Variants in IDE observed in about 807,000 individuals in gnomAD.
The protein encoded by IDE is insulin degrading enzyme, also known as insulin-degrading enzyme.
A neutral mutation model predicts 133.2 loss-of-function variants in IDE; 58 were observed. The observed-to-expected ratio is 0.44, with a 90% CI of 0.35 to 0.54. IDE has a LOEUF of 0.54. Among genes scored for constraint, IDE ranks in the 20% least tolerant of loss-of-function variants. The pLI is 0.00. For synonymous variants in IDE, 396 were observed against 421.3 expected (o/e 0.94, Z 0.73); for missense variants, 981 against 1,234.0 (o/e 0.79, Z 3.07).
chr10:92,547,400 A>G (rs77014180), intron 1 of IDE, among the ~76,000 whole-genome samples: 6,237 of 152,130 alleles, frequency 0.041, 172 homozygotes, highest in Non-Finnish European at 0.063. Context: ...CTAAAGATCA[A>G]TTCAAATCAC....
chr10:92,510,835 CAT>C (rs748779079), intron 5 of IDE, among the ~76,000 whole-genome samples: 62 of 149,300 alleles, frequency 4.2e-4, no homozygotes, highest in Non-Finnish European at 8.0e-4. Flanking sequence ...ATAGCACATA[CAT>C]ATCACACATA....
At chr10:92,477,368 C>G (rs905504668) in intron 15 of IDE, among the ~76,000 whole-genome samples, 1 of 151,572 alleles carries the variant, frequency 6.6e-6, no homozygotes, top group Middle Eastern at 3.5e-3. Context: ...GCCCAGGAGG[C>G]TGGTCTCGAA....
At chr10:92,475,825 C>T (rs751552247) in intron 16 of IDE, 59 bp downstream of exon 16, 65 of 656,890 alleles carry the variant, frequency 9.9e-5, no homozygotes, top group Non-Finnish European at 1.5e-4. Context: ...ATTATGAAAA[C>T]TTTTTATAAT....
rs554481643 is a variant in IDE, at chr10:92,573,990, G to A, written c.30C>T (p.His10=). 6.5e-4 allele frequency: 981 copies of A among 1,511,746 alleles called. 4 individuals carry two copies. In the Middle Eastern group the frequency reaches 7.5e-3, roughly 12 times the overall value. The allele number at this position is 1,511,746 out of a possible 1,614,324, so 93.6% of individuals were successfully genotyped here. The change falls in exon 1 of 25, where the codon CAC becomes CAT. Residue 10 remains histidine (H), a synonymous_variant. Transcript: ENST00000265986. MRYRLAWLL[H]PALPSTFRSV... is the part of the protein sequence containing the mutation. The stretch of plus-strand genomic sequence containing the variant: ...AGCGGAAGGTGCTGGGCAGTGCGGG[G>A]TGCAGAAGCCACGCTAGCCGGTACC...
chr10:92,516,989 C>A (rs972289584), intron 4 of IDE, among the ~76,000 whole-genome samples: 1 of 152,180 alleles, frequency 6.6e-6, no homozygotes. Context: ...CTGGAAATAT[C>A]CTAAGATCCT....
intron 16 of IDE, 48 bp downstream of exon 16, chr10:92,475,836 A>G: frequency 1.5e-6 from 1 of 684,606 alleles, no homozygotes; most frequent in Non-Finnish European, 2.5e-6. Flanking sequence ...TTTTTATAAT[A>G]TAGCAATATT....
intron 6 of IDE, 48 bp from the exon 7 acceptor site, chr10:92,508,938 A>G (rs759745907): frequency 7.1e-7 from 1 of 1,413,788 alleles, no homozygotes; most frequent in Non-Finnish European, 9.9e-7. Context: ...CTCCTACTGA[A>G]GAAAATATTT....
Position 92,503,991 on chromosome 10 carries a change from T to C in IDE, c.1430+803A>G, listed in dbSNP as rs375950568. 9.2e-5 allele frequency among the ~76,000 whole-genome samples: 14 copies of C among 151,592 alleles called. No individual in the cohort carries two copies. In the East Asian group the frequency reaches 2.5e-3, roughly 28 times the overall value. On this transcript the variant is annotated intron_variant, in intron 11 of 24. Transcript: ENST00000265986. ...CCCTGGCCTCCCAAAGTGCTGGGAT[T>C]ACAGGCAGGAGCCACCGCGCCCAGC...
chr10:92,514,187 T>G (rs1194528127), intron 5 of IDE, among the ~76,000 whole-genome samples: 1 of 152,068 alleles, frequency 6.6e-6, no homozygotes, highest in Non-Finnish European at 1.5e-5. Flanking sequence ...TAAACTGCCC[T>G]CCAGAAAGAC....
At chr10:92,469,890 T>C (rs1399562964) in intron 18 of IDE, among the ~76,000 whole-genome samples, 3 of 152,132 alleles carry the variant, frequency 2.0e-5, no homozygotes, top group Non-Finnish European at 4.4e-5. Flanking sequence ...TTCAAAAGAT[T>C]ACAGATCTAG....
intron 19 of IDE, among the ~76,000 whole-genome samples, chr10:92,467,024 AAAT>A (rs1265922185): frequency 6.6e-6 from 1 of 152,032 alleles, no homozygotes; most frequent in Non-Finnish European, 1.5e-5. Flanking sequence ...CCGTCTCAAA[AAAT>A]AATAACAAAA....
intron 1 of IDE, among the ~76,000 whole-genome samples, chr10:92,570,230 GTTGT>G (rs1037440511): frequency 5.3e-5 from 8 of 152,124 alleles, no homozygotes; most frequent in African/African-American, 2.4e-5. Flanking sequence ...AAAATACTAA[GTTGT>G]TTTTCAAAAT....
At chr10:92,459,820 AC>A (rs1845264406) in intron 22 of IDE, among the ~76,000 whole-genome samples, 1 of 139,976 alleles carries the variant, frequency 7.1e-6, no homozygotes, top group South Asian at 2.2e-4. Context: ...GATGGTGTGA[AC>A]CTCTTTTTTT....
chr10:92,535,989 T>C (rs576747041), intron 2 of IDE, among the ~76,000 whole-genome samples: 58 of 151,314 alleles, frequency 3.8e-4, no homozygotes, highest in Non-Finnish European at 1.8e-4. Flanking sequence ...TGAGCGGAGA[T>C]TGCGCCACTG....
chr10:92,503,632 G>A (rs1258486774), intron 11 of IDE, among the ~76,000 whole-genome samples: 6 of 151,974 alleles, frequency 3.9e-5, no homozygotes, highest in East Asian at 3.9e-4. Flanking sequence ...TGCAATTATC[G>A]CTAATGAAGC....
At chr10:92,547,344 A>G (rs1358222113) in intron 1 of IDE, among the ~76,000 whole-genome samples, 1 of 151,928 alleles carries the variant, frequency 6.6e-6, no homozygotes, top group African/African-American at 2.4e-5. Context: ...TCGGCCTCCC[A>G]AAATGCTGGG....
chr10:92,525,548 T>C (rs1421967029), intron 4 of IDE, among the ~76,000 whole-genome samples: 2 of 152,044 alleles, frequency 1.3e-5, no homozygotes, highest in East Asian at 1.9e-4. Flanking sequence ...CCAGAGCCAT[T>C]AGACAAGACA....
At chr10:92,491,680 G>A (rs1847353157) in intron 11 of IDE, among the ~76,000 whole-genome samples, 1 of 149,524 alleles carries the variant, frequency 6.7e-6, no homozygotes, top group Non-Finnish European at 1.5e-5. Context: ...GTGCGATCTT[G>A]GCTCACTGCA....
rs542198563 is a variant in IDE at position 92,535,345 on chromosome 10, C to T, written c.284-560G>A. Among the ~76,000 whole-genome samples, 7 of 152,258 alleles carry T rather than the reference C, an allele frequency of 4.6e-5. No homozygotes were observed. The South Asian group carries it at 1.0e-3, about 23-fold the overall frequency. ...GTCTCGATCTCCTGACCTCGTGATC[C>T]GCCAGCCTCGGCCTCCCAAAGTGCT... On this transcript the variant is annotated intron_variant, in intron 2 of 24. Transcript: ENST00000265986.
Sources: gnomAD v4.1 joint callset for allele counts (sites outside exome capture counted in the v4.1 genomes callset) on GRCh38, gnomAD v4.1.1 for gene constraint, MANE v1.5 for transcripts, NCBI Gene and HGNC (gene_info 2026-07-23, HGNC 2026-07-21) for gene names.